GRID2: variants seen among roughly 807,000 people sequenced by gnomAD.
GRID2 encodes glutamate ionotropic receptor delta type subunit 2.
A neutral mutation model predicts 114.8 loss-of-function variants in GRID2; 33 were observed. The observed-to-expected ratio is 0.29, with a 90% CI of 0.22 to 0.38. GRID2 has a LOEUF of 0.38. GRID2 is among the 10% of genes least tolerant of loss of function. The probability of loss-of-function intolerance (pLI) is 1.00; values close to 1 mark genes in which losing one functional copy is unlikely to be tolerated. For synonymous variants in GRID2, 505 were observed against 449.9 expected, an observed-to-expected ratio of 1.12 and a Z score of -1.55; for missense variants, 1,184 against 1,257.7, an observed-to-expected ratio of 0.94 and a Z score of 0.89.
chr4:93,190,540 C>A (rs997941376), intron 4 of GRID2, among the ~76,000 whole-genome samples: 15 of 152,266 alleles, frequency 9.9e-5, no homozygotes, highest in Admixed American at 9.8e-4. Context: ...TCATATCCAA[C>A]TCTCAACCCT....
At chr4:93,182,891 C>A (rs143663682) in intron 4 of GRID2, among the ~76,000 whole-genome samples, 1 of 152,204 alleles carries the variant, frequency 6.6e-6, no homozygotes, top group Non-Finnish European at 1.5e-5. Flanking sequence ...AAAGCAAATT[C>A]TTGGGCACCA....
At chr4:93,713,527 G>A (rs1728660751) in intron 14 of GRID2, among the ~76,000 whole-genome samples, 4 of 151,686 alleles carry the variant, frequency 2.6e-5, no homozygotes, top group Admixed American at 6.6e-5. Context: ...ATACAATGGT[G>A]AAAAAGACAT....
At chr4:92,763,052 C>G (rs992962317) in intron 2 of GRID2, among the ~76,000 whole-genome samples, 1 of 152,204 alleles carries the variant, frequency 6.6e-6, no homozygotes, top group East Asian at 1.9e-4. Context: ...GAGTATCAGC[C>G]GACTTTGGGA....
intron 2 of GRID2, among the ~76,000 whole-genome samples, chr4:92,919,251 T>C (rs1180924321): frequency 5.9e-5 from 9 of 152,200 alleles, no homozygotes; most frequent in Admixed American, 4.6e-4. Context: ...ATTTCTTCTT[T>C]ATTAGTCTTG....
At chr4:93,225,099 C>T (rs1020792106) in intron 7 of GRID2, among the ~76,000 whole-genome samples, 9 of 152,186 alleles carry the variant, frequency 5.9e-5, no homozygotes, top group Non-Finnish European at 8.8e-5. Flanking sequence ...AAAAAACACA[C>T]GCCATCCACT....
chr4:92,792,456 AACACACACACAC>A (rs35204445), intron 2 of GRID2, among the ~76,000 whole-genome samples: 135 of 136,176 alleles, frequency 9.9e-4, no homozygotes, highest in African/African-American at 2.7e-3. Context: ...CAGGCAAGAG[AACACACACACAC>A]ACACACACAC....
chr4:92,376,688 G>A (rs988212211), intron 1 of GRID2, among the ~76,000 whole-genome samples: 1 of 152,088 alleles, frequency 6.6e-6, no homozygotes, highest in Non-Finnish European at 1.5e-5. Context: ...GGATATCCAG[G>A]CATTTCCATA....
rs1428006453 is a variant in GRID2 at position 92,358,356 on chromosome 4, A to G, written c.88+53612A>G. 2.6e-5 allele frequency among the ~76,000 whole-genome samples: 4 copies of G among 152,082 alleles called. No individual in the cohort carries two copies. In the East Asian group the frequency reaches 7.8e-4, roughly 30 times the overall value. On this transcript the variant is annotated intron_variant, in intron 1 of 15. Transcript: ENST00000282020. The stretch of plus-strand genomic sequence containing the variant: ...GTTAGTTGGTAGAAGAAGAGATTGA[A>G]TATATAGAAATTTGGGAAGAGTTAA...
At chr4:93,066,547 G>C (rs1560842771) in intron 2 of GRID2, among the ~76,000 whole-genome samples, 1 of 151,776 alleles carries the variant, frequency 6.6e-6, no homozygotes, top group Non-Finnish European at 1.5e-5. Flanking sequence ...GAGACTTCTG[G>C]TAGACGACTG....
chr4:93,696,740 A>T (rs1727053938), intron 14 of GRID2, among the ~76,000 whole-genome samples: 1 of 152,154 alleles, frequency 6.6e-6, no homozygotes, highest in African/African-American at 2.4e-5. Context: ...CACAATTCTC[A>T]ATAACTTCCA....
intron 1 of GRID2, among the ~76,000 whole-genome samples, chr4:92,577,006 T>G (rs1319115921): frequency 6.6e-6 from 1 of 152,220 alleles, no homozygotes; most frequent in Non-Finnish European, 1.5e-5. Flanking sequence ...ATCTTTCTCT[T>G]AAGCTCCATT....
chr4:92,868,492 A>G (rs1393531455), intron 2 of GRID2, among the ~76,000 whole-genome samples: 3 of 152,198 alleles, frequency 2.0e-5, no homozygotes, highest in Non-Finnish European at 4.4e-5. Flanking sequence ...TCTTCTGCCA[A>G]TTCAAAGTTT....
chr4:92,427,350 T>C (rs920662263), intron 1 of GRID2, among the ~76,000 whole-genome samples: 3 of 152,100 alleles, frequency 2.0e-5, no homozygotes, highest in Admixed American at 6.6e-5. Context: ...AATGAAGGGG[T>C]TGGGATAAAC....
intron 13 of GRID2, among the ~76,000 whole-genome samples, chr4:93,564,381 T>G (rs1735212259): frequency 6.6e-6 from 1 of 151,976 alleles, no homozygotes; most frequent in South Asian, 2.1e-4. Flanking sequence ...ATTCCATAGG[T>G]TCAGTGGTCT....
At chr4:92,706,824 A>G (rs1017482488) in intron 2 of GRID2, among the ~76,000 whole-genome samples, 4 of 152,158 alleles carry the variant, frequency 2.6e-5, no homozygotes, top group Non-Finnish European at 5.9e-5. Context: ...TATAATTACA[A>G]CTACTGTCTA....
intron 2 of GRID2, among the ~76,000 whole-genome samples, chr4:92,957,208 A>G (rs1001090304): frequency 6.6e-6 from 1 of 152,138 alleles, no homozygotes; most frequent in African/African-American, 2.4e-5. Flanking sequence ...TTGTTGTAGT[A>G]TCTGAAACGT....
intron 11 of GRID2, among the ~76,000 whole-genome samples, chr4:93,462,570 G>T (rs1723851527): frequency 6.6e-6 from 1 of 152,092 alleles, no homozygotes; most frequent in South Asian, 2.1e-4. Context: ...CTGTCAGATG[G>T]ATCACACTAT....
chr4:93,370,039 G>A (rs894875305), intron 8 of GRID2, among the ~76,000 whole-genome samples: 1 of 152,046 alleles, frequency 6.6e-6, no homozygotes, highest in Non-Finnish European at 1.5e-5. Context: ...CTCTGAAAGA[G>A]GCCTTAAATG....
intron 14 of GRID2, among the ~76,000 whole-genome samples, chr4:93,654,229 A>T (rs181576223): frequency 1.3e-5 from 2 of 152,214 alleles, no homozygotes; most frequent in Admixed American, 1.3e-4. Context: ...TCAAGGGAAC[A>T]TCACTTCATT....
Sources: allele counts gnomAD v4.1 joint callset (sites outside exome capture counted in the v4.1 genomes callset), GRCh38; gene constraint gnomAD v4.1.1; transcripts MANE v1.5; gene names NCBI Gene and HGNC (gene_info 2026-07-23, HGNC 2026-07-21).